The following TRAK2 variants were observed in gnomAD, a reference collection of about 807,000 sequenced individuals.
TRAK2 encodes the protein trafficking kinesin-binding protein 2.
In TRAK2, 81 loss-of-function variants were observed where a neutral mutation model predicts 104.6. That is an observed-to-expected ratio of 0.77 (90% CI 0.65 to 0.93). The LOEUF (loss-of-function observed/expected upper bound fraction) is 0.93. Among genes scored for constraint, TRAK2 ranks in the 40% least tolerant of loss-of-function variants. The pLI, the probability that TRAK2 is intolerant of heterozygous loss-of-function variation, is 0.00. For synonymous variants in TRAK2, 406 were observed against 394.4 expected (o/e 1.03, Z -0.35); for missense variants, 1,002 against 1,089.0 (o/e 0.92, Z 1.12).
chr2:201,411,648 C>G, intron 2 of TRAK2: 1 of 797,614 alleles, frequency 1.3e-6, no homozygotes, highest in Non-Finnish European at 2.3e-6. Flanking sequence ...TTTGGTGATT[C>G]CCAACTTATG....
intron 13 of TRAK2, among the ~76,000 whole-genome samples, chr2:201,386,720 A>G (rs1302251345): frequency 2.0e-5 from 3 of 152,200 alleles, no homozygotes; most frequent in Non-Finnish European, 4.4e-5. Flanking sequence ...AAGGGGTGAA[A>G]AAAAACCCAA....
chr2:201,389,230 T>G, intron 12 of TRAK2, 70 bp downstream of exon 12: 1 of 1,401,372 alleles, frequency 7.1e-7, no homozygotes, highest in African/African-American at 1.4e-5. Context: ...AATGCTGGAA[T>G]GTGCGTATGT....
Position 201,451,443 on chromosome 2 carries a change from C to G in TRAK2, c.-293G>C, listed in dbSNP as rs1952036310. 6.6e-6 allele frequency: 1 copy of G among 152,222 alleles called. No individual in the cohort carries two copies. Among genetic ancestry groups the G allele is most frequent in the South Asian group, 2.1e-4 (1 of 4,834 alleles). 9.4% of individuals were successfully genotyped at this position (152,222 alleles called of 1,614,324 possible). On this transcript the variant is annotated 5_prime_UTR_variant, in exon 1 of 16. Transcript: ENST00000332624. ...TGAAAGCAGCAGCCGAAGCTGCTGCCGCTGCTCCCACTGCCAGCAACCGCC... is the reference window on the plus strand; with the variant it reads ...TGAAAGCAGCAGCCGAAGCTGCTGCGGCTGCTCCCACTGCCAGCAACCGCC...
chr2:201,396,542 T>A (rs1352598461), intron 7 of TRAK2, among the ~76,000 whole-genome samples: 1 of 152,106 alleles, frequency 6.6e-6, no homozygotes, highest in Non-Finnish European at 1.5e-5. Flanking sequence ...TTCCTACAAA[T>A]AAATACCGAT....
intron 1 of TRAK2, among the ~76,000 whole-genome samples, chr2:201,431,292 A>G (rs993246461): frequency 1.3e-5 from 2 of 152,218 alleles, no homozygotes; most frequent in African/African-American, 2.4e-5. Context: ...AATTACCACA[A>G]ACTTAGTGGC....
intron 1 of TRAK2, among the ~76,000 whole-genome samples, chr2:201,444,250 A>C (rs1198952234): frequency 6.6e-6 from 1 of 152,078 alleles, no homozygotes; most frequent in African/African-American, 2.4e-5. Flanking sequence ...AATACTTAAA[A>C]AATCCAAAGG....
rs1179287719 is a variant in TRAK2, at chr2:201,379,762, T to G, written c.*781A>C. 1 of 152,388 alleles carries G rather than the reference T, an allele frequency of 6.6e-6. No homozygotes were observed. The highest frequency in any genetic ancestry group is 2.4e-5 in the African/African-American group (1 of 41,444). 9.4% of individuals were successfully genotyped at this position (152,388 alleles called of 1,614,324 possible). ...AAAAACAAGTTTTCTTGGTTTCAAT[T>G]TACTCACATTTTGCCTCTTAAAAGT... On this transcript the variant is annotated 3_prime_UTR_variant, in exon 16 of 16. Transcript: ENST00000332624.
At chr2:201,428,596 G>A (rs953230953) in intron 1 of TRAK2, among the ~76,000 whole-genome samples, 2 of 152,174 alleles carry the variant, frequency 1.3e-5, no homozygotes, top group South Asian at 2.1e-4. Context: ...TTGAAGTCAG[G>A]TAGCATGATG....
At chr2:201,387,593 A>G (rs1321300289) in intron 13 of TRAK2, 110 bp downstream of exon 13, 2 of 1,169,182 alleles carry the variant, frequency 1.7e-6, no homozygotes, top group Non-Finnish European at 2.4e-6. Context: ...AAGGGATAAA[A>G]AGATCATCTG....
rs760861534 is a variant in TRAK2 at position 201,386,458 on chromosome 2, G to A, written c.1723C>T (p.Gln575Ter). The A allele has an allele frequency of 6.2e-7, 1 of 1,614,048 alleles. No homozygotes were observed. Among genetic ancestry groups the A allele is most frequent in the Non-Finnish European group, 8.5e-7 (1 of 1,180,010 alleles). Residue 575 changes from glutamine to a stop codon, truncating the protein, a stop_gained, in exon 14 of 16, where the codon CAG becomes TAG. Coordinates refer to ENST00000332624, the MANE Select transcript of TRAK2 (RefSeq NM_015049.3). LOFTEE classifies it high-confidence loss of function. ...EGSQTLYHWQ[Q>*]LAQPNLGTIL... is the part of the protein sequence containing the mutation. ...GTTCCCAAGTTTGGTTGAGCAAGCT[G>A]CTGCCAGTGATACAGAGTTTGTGAT... is the stretch of plus-strand genomic sequence containing the variant.
In TRAK2 at chr2:201,387,684, GC is replaced by G; in HGVS notation, c.1696+18del. ...CAGTAAGTCACATGGCTTAGTAAGG[GC>G]CCTTACTGATTTATTACCTTCAAGG... On this transcript the variant is annotated intron_variant, in intron 13 of 15. Transcript: ENST00000332624. 1 of 1,565,690 alleles carries G rather than the reference GC, an allele frequency of 6.4e-7. No homozygotes were observed. Among genetic ancestry groups the G allele is most frequent in the East Asian group, 2.2e-5 (1 of 44,492 alleles).
In TRAK2 at chr2:201,378,564, A is replaced by C. The variant is rs1489765036; in HGVS notation, c.*1979T>G. The C allele has an allele frequency of 6.6e-6, 1 of 152,202 alleles. No homozygotes were observed. Among genetic ancestry groups the C allele is most frequent in the Non-Finnish European group, 1.5e-5 (1 of 68,038 alleles). The allele number at this position is 152,202 out of a possible 1,614,324, so 9.4% of individuals were successfully genotyped here. Reference sequence around the variant, plus strand: ...GAGTCACTTTATGAAATACAAATTCAAATGGTATTTTTTAAAAGTGAATTG... The same window carrying C: ...GAGTCACTTTATGAAATACAAATTCCAATGGTATTTTTTAAAAGTGAATTG... On this transcript the variant is annotated 3_prime_UTR_variant, in exon 16 of 16. Transcript: ENST00000332624.
chr2:201,388,082 A>T (rs779350652), intron 12 of TRAK2, 81 bp from the exon 13 acceptor site: 65 of 1,403,488 alleles, frequency 4.6e-5, no homozygotes, highest in Admixed American at 5.1e-5. Context: ...AATGGTAAGC[A>T]TTCAAGAGAC....
At chr2:201,439,857 T>G (rs980257269) in intron 1 of TRAK2, among the ~76,000 whole-genome samples, 5 of 141,734 alleles carry the variant, frequency 3.5e-5, no homozygotes, top group Admixed American at 1.5e-4. Context: ...CACCGCATGT[T>G]CTCACTCATA....
intron 1 of TRAK2, among the ~76,000 whole-genome samples, chr2:201,431,011 A>T (rs539093058): frequency 6.6e-6 from 1 of 152,352 alleles, no homozygotes; most frequent in East Asian, 1.9e-4. Context: ...CTGTGTACCC[A>T]GAATGACTAC....
chr2:201,394,288 T>C (rs889692997), intron 9 of TRAK2, among the ~76,000 whole-genome samples: 2 of 152,182 alleles, frequency 1.3e-5, no homozygotes, highest in East Asian at 3.9e-4. Flanking sequence ...TCAAGAAGGA[T>C]GTTACCACGT....
chr2:201,381,023 G>C lies in TRAK2; in HGVS notation c.2265C>G (p.Tyr755Ter). The part of the protein sequence containing the change: ...LQERGISAKV[Y>*]HSPISENPLQ... ...GGGGGTTCTCTGAAATTGGGCTGTG[G>C]TACACTTTGGCAGAGATGCCTCGCT... Residue 755 changes from tyrosine (Y) to a stop codon, truncating the protein, a stop_gained, in exon 16 of 16, where the codon TAC becomes TAG. Coordinates refer to ENST00000332624, the MANE Select transcript of TRAK2 (RefSeq NM_015049.3). LOFTEE classifies it high-confidence loss of function. The C allele has an allele frequency of 6.2e-7, 1 of 1,614,112 alleles. No individual in the cohort carries two copies. The highest frequency in any genetic ancestry group is 2.2e-5 in the East Asian group (1 of 44,878).
At position 201,378,902 on chromosome 2, in the gene TRAK2, AG is replaced by A. The variant is rs1461929692; in HGVS notation, c.*1640del. Reference sequence around the variant, plus strand: ...GGGGGGATGGCGGGGATGCCTCAAAAGGGGAGAGGAAGGACTCTCCTTGGCC... The same window carrying A: ...GGGGGGATGGCGGGGATGCCTCAAAAGGGAGAGGAAGGACTCTCCTTGGCC... On this transcript the variant is annotated 3_prime_UTR_variant, in exon 16 of 16. Coordinates refer to ENST00000332624, the MANE Select transcript of TRAK2 (RefSeq NM_015049.3). The A allele has an allele frequency of 1.3e-5, 2 of 152,186 alleles. No homozygotes were observed. The highest frequency in any genetic ancestry group is 3.8e-4 in the East Asian group (2 of 5,200). The allele number at this position is 152,186 out of a possible 1,614,324, so 9.4% of individuals were successfully genotyped here.
chr2:201,402,861 T>C (rs1193128365), intron 3 of TRAK2, among the ~76,000 whole-genome samples: 1 of 152,174 alleles, frequency 6.6e-6, no homozygotes, highest in Non-Finnish European at 1.5e-5. Context: ...GTGGCGCTGG[T>C]AGTATGCAGA....
Sources: gnomAD v4.1 joint callset for allele counts (sites outside exome capture counted in the v4.1 genomes callset) on GRCh38, gnomAD v4.1.1 for gene constraint, MANE v1.5 for transcripts, NCBI Gene and HGNC (gene_info 2026-07-23, HGNC 2026-07-21) for gene names.